The following SYNDIG1 variants were observed in gnomAD, a reference collection of about 807,000 sequenced individuals.
SYNDIG1 encodes synapse differentiation inducing 1, also known as synapse differentiation-inducing gene protein 1.
A neutral mutation model predicts 19.4 loss-of-function variants in SYNDIG1; 9 were observed. That is an observed-to-expected ratio of 0.46 (90% CI 0.28 to 0.81). The LOEUF is 0.81. Among genes scored for constraint, SYNDIG1 ranks in the 30% least tolerant of loss-of-function variants. The probability of loss-of-function intolerance (pLI) is 0.12; values close to 1 mark genes in which losing one functional copy is unlikely to be tolerated. For synonymous variants in SYNDIG1, 141 were observed against 145.9 expected (o/e 0.97, Z 0.24); for missense variants, 311 against 343.3 (o/e 0.91, Z 0.74).
intron 3 of SYNDIG1, among the ~76,000 whole-genome samples, chr20:24,652,464 G>A (rs2059482636): frequency 6.6e-6 from 1 of 152,218 alleles, no homozygotes; most frequent in Admixed American, 6.5e-5. Context: ...AGAGGCTTCT[G>A]CCTGTCCTAC....
intron 1 of SYNDIG1, among the ~76,000 whole-genome samples, chr20:24,514,866 T>C (rs1568601386): frequency 1.3e-5 from 2 of 152,318 alleles, no homozygotes; most frequent in East Asian, 1.9e-4. Context: ...ATTGACCACA[T>C]AGTTGGAAGT....
intron 1 of SYNDIG1, among the ~76,000 whole-genome samples, chr20:24,500,580 T>C (rs1038175252): frequency 3.9e-5 from 6 of 151,950 alleles, no homozygotes; most frequent in Admixed American, 6.6e-5. Context: ...CTTTCTTCTT[T>C]TTTTCCTTCT....
chr20:24,485,963 AC>A (rs2055945788), intron 1 of SYNDIG1, among the ~76,000 whole-genome samples: 1 of 152,198 alleles, frequency 6.6e-6, no homozygotes, highest in Non-Finnish European at 1.5e-5. Flanking sequence ...TCTCGTGGCC[AC>A]CCTTGGTAAT....
intron 1 of SYNDIG1, among the ~76,000 whole-genome samples, chr20:24,530,588 C>T (rs1007536052): frequency 7.9e-5 from 12 of 152,140 alleles, no homozygotes; most frequent in Non-Finnish European, 1.3e-4. Context: ...ACGTATCATT[C>T]GCTTAGCAGT....
intron 2 of SYNDIG1, among the ~76,000 whole-genome samples, chr20:24,562,850 G>A (rs1319298328): frequency 6.6e-6 from 1 of 152,194 alleles, no homozygotes; most frequent in East Asian, 1.9e-4. Context: ...TTTTGTTACT[G>A]TAAGGCTATA....
At chr20:24,535,141 C>A (rs2057336648) in intron 1 of SYNDIG1, among the ~76,000 whole-genome samples, 1 of 152,176 alleles carries the variant, frequency 6.6e-6, no homozygotes, top group East Asian at 1.9e-4. Context: ...TAGGCCATTA[C>A]CTTGAGTTAA....
At chr20:24,659,065 G>T (rs2059558613) in intron 3 of SYNDIG1, among the ~76,000 whole-genome samples, 2 of 152,020 alleles carry the variant, frequency 1.3e-5, no homozygotes, top group Non-Finnish European at 2.9e-5. Context: ...CCAGGGAGCT[G>T]CCAATCCCTC....
At chr20:24,594,377 G>T (rs772911216) in intron 3 of SYNDIG1, among the ~76,000 whole-genome samples, 3 of 152,016 alleles carry the variant, frequency 2.0e-5, no homozygotes, top group Non-Finnish European at 4.4e-5. Context: ...CTGTTTCATT[G>T]GTCTATATGT....
chr20:24,610,849 G>A (rs754725344), intron 3 of SYNDIG1, among the ~76,000 whole-genome samples: 8 of 152,146 alleles, frequency 5.3e-5, no homozygotes, highest in Non-Finnish European at 1.0e-4. Flanking sequence ...TCCACAGGAG[G>A]AAGCCAGGCC....
chr20:24,637,620 A>T (rs2059328713), intron 3 of SYNDIG1, among the ~76,000 whole-genome samples: 1 of 152,212 alleles, frequency 6.6e-6, no homozygotes, highest in Non-Finnish European at 1.5e-5. Flanking sequence ...AAGTCACTAA[A>T]GTCCTAAATT....
intron 1 of SYNDIG1, among the ~76,000 whole-genome samples, chr20:24,488,530 C>A (rs765608449): frequency 6.6e-6 from 1 of 152,222 alleles, no homozygotes; most frequent in Non-Finnish European, 1.5e-5. Flanking sequence ...TGCTTCAAGC[C>A]CTTCTGCAGG....
intron 1 of SYNDIG1, among the ~76,000 whole-genome samples, chr20:24,476,547 G>C (rs991979359): frequency 5.9e-5 from 9 of 151,958 alleles, no homozygotes; most frequent in Non-Finnish European, 1.2e-4. Flanking sequence ...GCGGGCACCT[G>C]TAGTCCCACC....
chr20:24,611,855 G>A (rs182974959), intron 3 of SYNDIG1, among the ~76,000 whole-genome samples: 22 of 152,324 alleles, frequency 1.4e-4, no homozygotes, highest in African/African-American at 5.1e-4. Flanking sequence ...GTTACTGTCA[G>A]ATGTGATCCC....
intron 3 of SYNDIG1, among the ~76,000 whole-genome samples, chr20:24,655,439 A>C (rs2059515321): frequency 6.6e-6 from 1 of 152,236 alleles, no homozygotes; most frequent in East Asian, 1.9e-4. Flanking sequence ...CATCCACCAC[A>C]ATAGTCGGTC....
intron 1 of SYNDIG1, among the ~76,000 whole-genome samples, chr20:24,508,425 C>A (rs979225449): frequency 3.0e-5 from 3 of 100,364 alleles, no homozygotes; most frequent in African/African-American, 1.2e-4. Context: ...GACGGAGTTT[C>A]ACCATGTTGG....
intron 3 of SYNDIG1, among the ~76,000 whole-genome samples, chr20:24,622,664 C>T (rs1222876735): frequency 1.3e-5 from 2 of 152,252 alleles, no homozygotes; most frequent in Admixed American, 6.5e-5. Context: ...AAACCATCCC[C>T]TCTGCACTGA....
intron 1 of SYNDIG1, among the ~76,000 whole-genome samples, chr20:24,542,123 C>T (rs1214112957): frequency 6.6e-6 from 1 of 152,130 alleles, no homozygotes; most frequent in Non-Finnish European, 1.5e-5. Flanking sequence ...ATTTTGATCC[C>T]TTTCATTCAT....
chr20:24,648,204 C>T (rs1216880425), intron 3 of SYNDIG1, among the ~76,000 whole-genome samples: 3 of 152,166 alleles, frequency 2.0e-5, no homozygotes, highest in Non-Finnish European at 2.9e-5. Flanking sequence ...CAGTTTGGCT[C>T]GCAGACATGC....
chr20:24,558,055 G>A (rs2057862216), intron 2 of SYNDIG1, among the ~76,000 whole-genome samples: 1 of 152,148 alleles, frequency 6.6e-6, no homozygotes, highest in South Asian at 2.1e-4. Context: ...CAATGTATAG[G>A]AAAACAGGAA....
Sources: allele counts gnomAD v4.1 joint callset (sites outside exome capture counted in the v4.1 genomes callset), GRCh38; gene constraint gnomAD v4.1.1; transcripts MANE v1.5; gene names NCBI Gene and HGNC (gene_info 2026-07-23, HGNC 2026-07-21).